The following FOXP2 variants were observed in gnomAD, a reference collection of about 807,000 sequenced individuals.
The protein encoded by FOXP2 is forkhead box protein P2.
FOXP2 carries 12 observed loss-of-function variants against 115.8 expected under a neutral mutation model. That is an observed-to-expected ratio of 0.10 (90% CI 0.07 to 0.17). FOXP2 has a LOEUF of 0.17. Among genes scored for constraint, FOXP2 ranks in the 10% least tolerant of loss-of-function variants. FOXP2 has a pLI of 1.00. For missense variants in FOXP2, 629 were observed against 843.5 expected, an observed-to-expected ratio of 0.75 and a Z score of 3.15; for synonymous variants, 328 against 297.7, an observed-to-expected ratio of 1.10 and a Z score of -1.05.
chr7:114,628,862 T>C (rs1804737965), intron 4 of FOXP2, 185 bp downstream of exon 4: 2 of 675,188 alleles, frequency 3.0e-6, no homozygotes, highest in Middle Eastern at 4.3e-4. Flanking sequence ...GCTTATTTTT[T>C]TAAAAAAATT....
At chr7:114,206,492 A>C (rs753202784) in intron 1 of FOXP2, among the ~76,000 whole-genome samples, 53 of 152,020 alleles carry the variant, frequency 3.5e-4, no homozygotes, top group Admixed American at 2.0e-4. Flanking sequence ...TCTTCTTATT[A>C]TTTAGATCAA....
intron 1 of FOXP2, among the ~76,000 whole-genome samples, chr7:114,117,785 C>T (rs1341896029): frequency 6.6e-6 from 1 of 152,094 alleles, no homozygotes; most frequent in Non-Finnish European, 1.5e-5. Flanking sequence ...ATGTATTTCT[C>T]TTAGTTCTGC....
chr7:114,537,169 T>C (rs1005950380), intron 3 of FOXP2, among the ~76,000 whole-genome samples: 2 of 151,624 alleles, frequency 1.3e-5, no homozygotes, highest in African/African-American at 4.8e-5. Context: ...AGTTTTCTTA[T>C]ATAATTCTCT....
At chr7:114,470,868 C>T (rs1409061974) in intron 2 of FOXP2, among the ~76,000 whole-genome samples, 1 of 151,920 alleles carries the variant, frequency 6.6e-6, no homozygotes, top group Non-Finnish European at 1.5e-5. Context: ...CCTTTGTGTT[C>T]TTGTTTTCCT....
intron 2 of FOXP2, among the ~76,000 whole-genome samples, chr7:114,481,762 C>CTCTATCTATCTA (rs3028214): frequency 0.011 from 1,654 of 145,362 alleles, 11 homozygotes; most frequent in Admixed American, 0.012. Context: ...CATATGGAAA[C>CTCTATCTATCTA]TCTATCTATC....
intron 1 of FOXP2, among the ~76,000 whole-genome samples, chr7:114,195,693 T>C (rs1293226789): frequency 6.6e-6 from 1 of 152,156 alleles, no homozygotes; most frequent in African/African-American, 2.4e-5. Flanking sequence ...TCCCTTCTTA[T>C]GGTTATGATT....
chr7:114,436,053 A>T (rs995765354), intron 2 of FOXP2, among the ~76,000 whole-genome samples: 1 of 152,206 alleles, frequency 6.6e-6, no homozygotes, highest in Non-Finnish European at 1.5e-5. Flanking sequence ...GGAAAAATTT[A>T]AAAAAGCAAG....
chr7:114,482,744 T>A (rs1796613435), intron 2 of FOXP2, among the ~76,000 whole-genome samples: 1 of 151,664 alleles, frequency 6.6e-6, no homozygotes, highest in Non-Finnish European at 1.5e-5. Context: ...TGTCAATTTA[T>A]GAAATAAGAG....
chr7:114,194,052 T>C (rs1010022235), intron 1 of FOXP2, among the ~76,000 whole-genome samples: 1 of 152,050 alleles, frequency 6.6e-6, no homozygotes, highest in African/African-American at 2.4e-5. Flanking sequence ...TTGTTCTAAA[T>C]CTCCTGTGCA....
intron 6 of FOXP2, 86 bp downstream of exon 6, chr7:114,631,791 T>C: frequency 6.8e-7 from 1 of 1,464,244 alleles, no homozygotes; most frequent in South Asian, 1.2e-5. Flanking sequence ...CCTTGAGAAA[T>C]TTTGTTTTTA....
chr7:114,353,268 T>C (rs576709856), intron 2 of FOXP2, among the ~76,000 whole-genome samples: 1 of 151,814 alleles, frequency 6.6e-6, no homozygotes, highest in African/African-American at 2.4e-5. Flanking sequence ...GCTCCCTTTT[T>C]TTCCACAAAC....
intron 1 of FOXP2, among the ~76,000 whole-genome samples, chr7:114,185,387 A>G (rs901634883): frequency 4.6e-5 from 7 of 152,172 alleles, no homozygotes; most frequent in African/African-American, 1.4e-4. Context: ...AAGTTGCTTA[A>G]TATCTCTGGG....
intron 1 of FOXP2, among the ~76,000 whole-genome samples, chr7:114,095,778 C>T (rs946121252): frequency 6.6e-6 from 1 of 152,086 alleles, no homozygotes; most frequent in Non-Finnish European, 1.5e-5. Context: ...TGATAAACTT[C>T]GTCTTTTTAA....
intron 3 of FOXP2, among the ~76,000 whole-genome samples, chr7:114,544,303 G>A (rs890012512): frequency 2.6e-5 from 4 of 151,918 alleles, no homozygotes; most frequent in South Asian, 2.1e-4. Context: ...GATTTTATGC[G>A]CCCCCACCCT....
chr7:114,227,917 C>T (rs1794781710), intron 1 of FOXP2, among the ~76,000 whole-genome samples: 1 of 151,998 alleles, frequency 6.6e-6, no homozygotes. Flanking sequence ...ACATGATCCT[C>T]ACGCTATATG....
At chr7:114,201,514 T>C (rs1352218805) in intron 1 of FOXP2, among the ~76,000 whole-genome samples, 2 of 152,222 alleles carry the variant, frequency 1.3e-5, no homozygotes, top group Non-Finnish European at 2.9e-5. Flanking sequence ...GAATTTGATT[T>C]ACAAAATCAC....
chr7:114,569,832 A>G (rs1248016573), intron 3 of FOXP2, among the ~76,000 whole-genome samples: 1 of 151,904 alleles, frequency 6.6e-6, no homozygotes, highest in Non-Finnish European at 1.5e-5. Flanking sequence ...AACTTCATAG[A>G]TGTATTTGAA....
intron 2 of FOXP2, among the ~76,000 whole-genome samples, chr7:114,304,507 T>C (rs1796958464): frequency 6.6e-6 from 1 of 151,362 alleles, no homozygotes; most frequent in Non-Finnish European, 1.5e-5. Context: ...TTATCTCTGC[T>C]AAAAATACAA....
intron 1 of FOXP2, among the ~76,000 whole-genome samples, chr7:114,145,082 T>G (rs2129147749): frequency 6.6e-6 from 1 of 152,092 alleles, no homozygotes; most frequent in Non-Finnish European, 1.5e-5. Context: ...TCACATGGAG[T>G]TTCGATACTG....
Sources: gnomAD v4.1 joint callset for allele counts (sites outside exome capture counted in the v4.1 genomes callset) on GRCh38, gnomAD v4.1.1 for gene constraint, MANE v1.5 for transcripts, NCBI Gene and HGNC (gene_info 2026-07-23, HGNC 2026-07-21) for gene names.